L3MBTL4: variants seen among roughly 807,000 people sequenced by gnomAD.
L3MBTL4 encodes lethal(3)malignant brain tumor-like protein 4.
L3MBTL4 carries 70 observed loss-of-function variants against 84.5 expected under a neutral mutation model. That is an observed-to-expected ratio of 0.83 (90% CI 0.68 to 1.01). The LOEUF (loss-of-function observed/expected upper bound fraction) is 1.01. Among genes scored for constraint, L3MBTL4 ranks in the 50% least tolerant of loss-of-function variants. L3MBTL4 has a pLI of 0.00. For missense variants in L3MBTL4, 715 were observed against 754.8 expected, an observed-to-expected ratio of 0.95 and a Z score of 0.62; for synonymous variants, 274 against 259.8, an observed-to-expected ratio of 1.05 and a Z score of -0.52.
At chr18:6,155,243 C>A (rs1412576522) in intron 13 of L3MBTL4, among the ~76,000 whole-genome samples, 1 of 152,102 alleles carries the variant, frequency 6.6e-6, no homozygotes, top group African/African-American at 2.4e-5. Flanking sequence ...AATAACACTA[C>A]ATACAGAAAA....
intron 4 of L3MBTL4, among the ~76,000 whole-genome samples, chr18:6,280,251 T>C (rs1203527469): frequency 2.0e-5 from 3 of 152,192 alleles, no homozygotes; most frequent in Admixed American, 2.0e-4. Context: ...TAAAATCATC[T>C]AAAACAGTTT....
At chr18:6,270,910 A>C (rs889482481) in intron 4 of L3MBTL4, among the ~76,000 whole-genome samples, 2 of 152,190 alleles carry the variant, frequency 1.3e-5, no homozygotes, top group Non-Finnish European at 2.9e-5. Flanking sequence ...AATCAGCACT[A>C]GGTAAGGATG....
intron 1 of L3MBTL4, among the ~76,000 whole-genome samples, chr18:6,381,168 T>C (rs11522957): frequency 0.1 from 15,794 of 151,908 alleles, 893 homozygotes; most frequent in Non-Finnish European, 0.14. Context: ...TAATTTTTTT[T>C]CTTTCCATTT....
intron 1 of L3MBTL4, among the ~76,000 whole-genome samples, chr18:6,408,959 G>A (rs941397665): frequency 1.3e-5 from 2 of 152,182 alleles, no homozygotes; most frequent in African/African-American, 4.8e-5. Flanking sequence ...TTACCGGGGT[G>A]AGCCACTGTG....
At chr18:6,284,873 A>C (rs1488893268) in intron 4 of L3MBTL4, among the ~76,000 whole-genome samples, 4 of 152,206 alleles carry the variant, frequency 2.6e-5, no homozygotes, top group Non-Finnish European at 5.9e-5. Flanking sequence ...GGGGCCGCCC[A>C]GCGTGGGCAG....
intron 1 of L3MBTL4, among the ~76,000 whole-genome samples, chr18:6,329,841 C>T (rs1355885423): frequency 6.6e-6 from 1 of 152,190 alleles, no homozygotes; most frequent in Non-Finnish European, 1.5e-5. Context: ...TGCTGAGCAC[C>T]TCTCAATATT....
intron 5 of L3MBTL4, among the ~76,000 whole-genome samples, chr18:6,248,108 A>C (rs550850426): frequency 1.6e-4 from 24 of 152,264 alleles, no homozygotes; most frequent in African/African-American, 5.5e-4. Context: ...GATATGTCTA[A>C]GACTAATCCC....
At chr18:6,102,773 G>A (rs1385012489) in intron 14 of L3MBTL4, among the ~76,000 whole-genome samples, 1 of 152,216 alleles carries the variant, frequency 6.6e-6, no homozygotes, top group Non-Finnish European at 1.5e-5. Flanking sequence ...ATTAATGTCT[G>A]CTCAAGTACC....
intron 15 of L3MBTL4, among the ~76,000 whole-genome samples, chr18:6,090,092 C>G (rs912030104): frequency 6.6e-6 from 1 of 152,122 alleles, no homozygotes; most frequent in Non-Finnish European, 1.5e-5. Flanking sequence ...CTATTCACCT[C>G]CATTTAATGC....
chr18:6,328,537 T>C lies in L3MBTL4; in HGVS notation c.-90-16481A>G, dbSNP rs528650407. 1.3e-3 allele frequency among the ~76,000 whole-genome samples: 202 copies of C among 152,330 alleles called. 1 individual carries two copies. The highest frequency in any genetic ancestry group is 0.01 in the Middle Eastern group (3 of 294). ...TACACTGGCACTGAATCATGACAAC[T>C]AGCACTGCTGCCAAAATGACATACA... On this transcript the variant is annotated intron_variant, in intron 1 of 18. Transcript: ENST00000317931.
chr18:6,019,666 T>C (rs531665424), intron 16 of L3MBTL4, among the ~76,000 whole-genome samples: 1 of 152,300 alleles, frequency 6.6e-6, no homozygotes, highest in South Asian at 2.1e-4. Flanking sequence ...ATCTCCACTT[T>C]TGTAGAGAAT....
intron 12 of L3MBTL4, among the ~76,000 whole-genome samples, chr18:6,194,086 A>C (rs1405467957): frequency 6.6e-6 from 1 of 152,206 alleles, no homozygotes; most frequent in Non-Finnish European, 1.5e-5. Context: ...AGCCTATTTA[A>C]ATCCTTCCTC....
intron 13 of L3MBTL4, among the ~76,000 whole-genome samples, chr18:6,142,868 G>C (rs1224922325): frequency 6.6e-6 from 1 of 152,142 alleles, no homozygotes; most frequent in Non-Finnish European, 1.5e-5. Context: ...CAGTCTGGGA[G>C]ACAGTGAGAC....
intron 16 of L3MBTL4, among the ~76,000 whole-genome samples, chr18:6,064,675 C>T (rs35741775): frequency 0.26 from 38,387 of 150,050 alleles, 5,468 homozygotes; most frequent in East Asian, 0.56. Context: ...TTGTTGGTGC[C>T]TACTGATTTG....
intron 12 of L3MBTL4, among the ~76,000 whole-genome samples, chr18:6,173,019 TAAA>T (rs1310428249): frequency 6.6e-6 from 1 of 152,184 alleles, no homozygotes; most frequent in Non-Finnish European, 1.5e-5. Flanking sequence ...AGGCACTTGT[TAAA>T]AATGCAAATT....
At chr18:6,174,256 G>C (rs1027778904) in intron 12 of L3MBTL4, among the ~76,000 whole-genome samples, 5 of 152,012 alleles carry the variant, frequency 3.3e-5, no homozygotes, top group African/African-American at 1.2e-4. Context: ...CTCAATTTGT[G>C]AAGAAGTGGT....
chr18:6,167,821 T>C (rs1323238959), intron 13 of L3MBTL4, among the ~76,000 whole-genome samples: 1 of 152,200 alleles, frequency 6.6e-6, no homozygotes, highest in East Asian at 1.9e-4. Flanking sequence ...TTGGAAGTTC[T>C]GGCCAGGGCA....
Position 6,031,811 on chromosome 18 carries a change from G to GA in L3MBTL4, c.1444+49069_1444+49070insT, listed in dbSNP as rs2055815473. 3.8e-6 allele frequency: 3 copies of GA among 789,368 alleles called. No homozygotes were observed. The African/African-American group carries it at 5.7e-5, about 15-fold the overall frequency. 48.9% of individuals were successfully genotyped at this position (789,368 alleles called of 1,614,324 possible). A position where few individuals can be genotyped will look rare whatever the true frequency, so the allele number is the denominator to read the frequency against. ...TGACTAAAGGCAAATCAGATTCATGGTTTTTTTTTTTTTTTAATTTCACAG... is the reference window on the plus strand; with the variant it reads ...TGACTAAAGGCAAATCAGATTCATGGATTTTTTTTTTTTTTTAATTTCACAG... On this transcript the variant is annotated intron_variant, in intron 16 of 18. Coordinates refer to ENST00000317931, the MANE Select transcript of L3MBTL4 (RefSeq NM_001330559.2).
intron 17 of L3MBTL4, among the ~76,000 whole-genome samples, chr18:5,966,519 C>A (rs1484563182): frequency 6.6e-6 from 1 of 152,102 alleles, no homozygotes; most frequent in African/African-American, 2.4e-5. Flanking sequence ...TGGGGCCCTG[C>A]CGACCCATCC....
Sources: allele counts gnomAD v4.1 joint callset (sites outside exome capture counted in the v4.1 genomes callset), GRCh38; gene constraint gnomAD v4.1.1; transcripts MANE v1.5; gene names NCBI Gene and HGNC (gene_info 2026-07-23, HGNC 2026-07-21).